Variants in CNTNAP2 observed in about 807,000 individuals in gnomAD.
CNTNAP2 encodes contactin associated protein 2.
In CNTNAP2, 98 loss-of-function variants were observed where a neutral mutation model predicts 155.2. The ratio of observed to expected loss-of-function variants is 0.63; its 90% CI spans 0.54 to 0.75. The LOEUF (loss-of-function observed/expected upper bound fraction) is 0.75, where lower values mean the gene tolerates loss of function less well. Among genes scored for constraint, CNTNAP2 ranks in the 30% least tolerant of loss-of-function variants. The pLI, the probability that CNTNAP2 is intolerant of heterozygous loss-of-function variation, is 0.00. For missense variants in CNTNAP2, 1,727 were observed against 1,688.1 expected (o/e 1.02, Z -0.40); for synonymous variants, 651 against 631.2 (o/e 1.03, Z -0.47).
chr7:148,179,174 C>T (rs1043119311), intron 18 of CNTNAP2, among the ~76,000 whole-genome samples: 1 of 152,134 alleles, frequency 6.6e-6, no homozygotes, highest in African/African-American at 2.4e-5. Context: ...ACCTTAGTAA[C>T]TCCTGCATCC....
At chr7:147,740,838 A>G (rs1486696859) in intron 13 of CNTNAP2, among the ~76,000 whole-genome samples, 2 of 152,204 alleles carry the variant, frequency 1.3e-5, no homozygotes, top group Admixed American at 6.5e-5. Context: ...TGGAAGCAGG[A>G]CAGGGAAGGA....
intron 21 of CNTNAP2, among the ~76,000 whole-genome samples, chr7:148,285,064 G>C (rs1018100845): frequency 2.0e-5 from 3 of 152,106 alleles, no homozygotes; most frequent in Admixed American, 6.5e-5. Flanking sequence ...AAATCTATAG[G>C]GTGTGAATAA....
At chr7:146,980,333 G>A (rs192121058) in intron 3 of CNTNAP2, among the ~76,000 whole-genome samples, 64 of 152,218 alleles carry the variant, frequency 4.2e-4, no homozygotes, top group African/African-American at 1.3e-3. Flanking sequence ...TGTATGTGTC[G>A]GTGAAACTCA....
At chr7:146,691,520 G>A (rs1031909749) in intron 1 of CNTNAP2, among the ~76,000 whole-genome samples, 1 of 152,040 alleles carries the variant, frequency 6.6e-6, no homozygotes, top group Non-Finnish European at 1.5e-5. Context: ...AAAGTAAAAC[G>A]CAGAGTTGTA....
chr7:146,484,280 A>G (rs535272878), intron 1 of CNTNAP2, among the ~76,000 whole-genome samples: 10 of 152,298 alleles, frequency 6.6e-5, no homozygotes, highest in African/African-American at 2.4e-4. Flanking sequence ...CACATTTCTC[A>G]GAATATTTTC....
rs1303353796 is a variant in CNTNAP2, at chr7:148,415,821, T to C, written c.*205T>C. The C allele has an allele frequency of 1.1e-5, 7 of 625,864 alleles. No individual in the cohort carries two copies. Among genetic ancestry groups the C allele is most frequent in the Non-Finnish European group, 1.9e-5 (7 of 363,210 alleles). The allele number at this position is 625,864 out of a possible 1,614,324, so 38.8% of individuals were successfully genotyped here. On this transcript the variant is annotated 3_prime_UTR_variant, in exon 24 of 24. Transcript: ENST00000361727. ...TTTAATATTTCTTTATAGCTGAGTT[T>C]TCCCTTCTGTATCAAAACAAAATAA...
At chr7:146,971,815 T>C (rs1797806258) in intron 3 of CNTNAP2, among the ~76,000 whole-genome samples, 1 of 152,168 alleles carries the variant, frequency 6.6e-6, no homozygotes, top group African/African-American at 2.4e-5. Context: ...CACCTGCTAA[T>C]ACCCATCATG....
intron 5 of CNTNAP2, among the ~76,000 whole-genome samples, chr7:147,114,755 C>G (rs1046091466): frequency 6.6e-6 from 1 of 152,136 alleles, no homozygotes; most frequent in African/African-American, 2.4e-5. Flanking sequence ...GGTCTTGGCT[C>G]TTTATCCAGC....
At chr7:146,933,573 C>A (rs1157582667) in intron 3 of CNTNAP2, among the ~76,000 whole-genome samples, 7 of 148,490 alleles carry the variant, frequency 4.7e-5, no homozygotes, top group Admixed American at 6.7e-5. Flanking sequence ...GCAACAAAAG[C>A]CAAAATTGAC....
chr7:147,156,814 G>A (rs1195861825), intron 8 of CNTNAP2, among the ~76,000 whole-genome samples: 1 of 152,070 alleles, frequency 6.6e-6, no homozygotes, highest in Non-Finnish European at 1.5e-5. Context: ...AAAAATGAAA[G>A]TAATTATGGC....
chr7:148,296,360 AC>A (rs200012660), intron 21 of CNTNAP2, among the ~76,000 whole-genome samples: 16 of 149,246 alleles, frequency 1.1e-4, no homozygotes, highest in African/African-American at 2.7e-4. Context: ...ACACAGTGAG[AC>A]CCCCCCCGCC....
chr7:147,741,445 A>G (rs1456127508), intron 13 of CNTNAP2, among the ~76,000 whole-genome samples: 1 of 152,236 alleles, frequency 6.6e-6, no homozygotes, highest in African/African-American at 2.4e-5. Flanking sequence ...GTTATCTTCT[A>G]TGCTGGCATA....
chr7:147,781,751 C>T (rs1371963517), intron 13 of CNTNAP2, among the ~76,000 whole-genome samples: 2 of 152,152 alleles, frequency 1.3e-5, no homozygotes, highest in African/African-American at 4.8e-5. Context: ...AGGCCGGGCG[C>T]GGTGGCTCAC....
intron 14 of CNTNAP2, among the ~76,000 whole-genome samples, chr7:147,960,018 C>G (rs1377175087): frequency 6.6e-6 from 1 of 152,152 alleles, no homozygotes; most frequent in East Asian, 1.9e-4. Flanking sequence ...AGCACCTCGA[C>G]TCTCTCCTTC....
chr7:148,167,247 C>T (rs1805686171), intron 17 of CNTNAP2, among the ~76,000 whole-genome samples: 1 of 152,086 alleles, frequency 6.6e-6, no homozygotes, highest in Admixed American at 6.5e-5. Context: ...TCATGCCATT[C>T]TTCTGCCTCA....
At chr7:147,307,199 T>A (rs958008360) in intron 9 of CNTNAP2, among the ~76,000 whole-genome samples, 1 of 152,130 alleles carries the variant, frequency 6.6e-6, no homozygotes, top group African/African-American at 2.4e-5. Context: ...TCGATATACA[T>A]TAAATCCCTT....
intron 9 of CNTNAP2, among the ~76,000 whole-genome samples, chr7:147,308,764 C>G (rs11981256): frequency 6.6e-6 from 1 of 152,162 alleles, no homozygotes; most frequent in African/African-American, 2.4e-5. Context: ...AAATTCCCAG[C>G]GTCCTGTCTC....
intron 5 of CNTNAP2, among the ~76,000 whole-genome samples, chr7:147,110,116 G>T (rs554698588): frequency 1.3e-5 from 2 of 151,926 alleles, no homozygotes; most frequent in South Asian, 4.2e-4. Context: ...GTAGAGATGG[G>T]GTTTCACCAT....
At chr7:148,304,921 G>T (rs1286149351) in intron 21 of CNTNAP2, among the ~76,000 whole-genome samples, 1 of 151,796 alleles carries the variant, frequency 6.6e-6, no homozygotes, top group Non-Finnish European at 1.5e-5. Context: ...CCATATAATA[G>T]AGCTGTGTTT....
Sources: allele counts gnomAD v4.1 joint callset (sites outside exome capture counted in the v4.1 genomes callset), GRCh38; gene constraint gnomAD v4.1.1; transcripts MANE v1.5; gene names NCBI Gene and HGNC (gene_info 2026-07-23, HGNC 2026-07-21).